Variants in PLCL2 observed in about 807,000 individuals in gnomAD.
PLCL2 encodes the protein phospholipase C like 2, also known as inactive phospholipase C-like protein 2.
A neutral mutation model predicts 79.6 loss-of-function variants in PLCL2; 4 were observed. The ratio of observed to expected loss-of-function variants is 0.05; its 90% CI spans 0.02 to 0.11. PLCL2 has a LOEUF of 0.11. Ranked by LOEUF, PLCL2 falls within the 10% of genes least tolerant of loss-of-function variation. The pLI, the probability that PLCL2 is intolerant of heterozygous loss-of-function variation, is 1.00. For synonymous variants in PLCL2, 484 were observed against 457.7 expected, an observed-to-expected ratio of 1.06 and a Z score of -0.73; for missense variants, 895 against 1,291.0, an observed-to-expected ratio of 0.69 and a Z score of 4.70.
At chr3:16,934,620 T>C (rs1697494549) in intron 1 of PLCL2, among the ~76,000 whole-genome samples, 1 of 152,062 alleles carries the variant, frequency 6.6e-6, no homozygotes, top group African/African-American at 2.4e-5. Context: ...TGATTTGTGT[T>C]TAAAAATCTC....
At position 16,885,072 on chromosome 3, in the gene PLCL2, C is replaced by G; in HGVS notation, c.33C>G (p.Gly11=). 7.8e-6 allele frequency: 3 copies of G among 386,078 alleles called. No individual in the cohort carries two copies. The highest frequency in any genetic ancestry group is 9.2e-6 in the Non-Finnish European group (2 of 218,434). 23.9% of individuals were successfully genotyped at this position (386,078 alleles called of 1,614,324 possible). A position where few individuals can be genotyped will look rare whatever the true frequency, so the allele number is the denominator to read the frequency against. MAECGRGGAA[G]GALPTSPGPA... is the part of the protein sequence containing the mutation. The stretch of plus-strand genomic sequence containing the variant: ...AGTGCGGCCGGGGGGGCGCCGCCGG[C>G]GGGGCCCTGCCCACCTCCCCGGGCC... The change falls in exon 1 of 6, where the codon GGC becomes GGG. Residue 11 remains glycine, a synonymous_variant. Transcript: ENST00000615277.
chr3:16,915,467 A>G (rs1282520733), intron 1 of PLCL2, among the ~76,000 whole-genome samples: 1 of 151,946 alleles, frequency 6.6e-6, no homozygotes, highest in African/African-American at 2.4e-5. Context: ...ATTTCCTGTT[A>G]TAGTTATTCA....
intron 3 of PLCL2, among the ~76,000 whole-genome samples, chr3:17,040,611 G>T (rs2064709524): frequency 6.6e-6 from 1 of 152,168 alleles, no homozygotes; most frequent in Admixed American, 6.6e-5. Context: ...CATTGTGCCA[G>T]TCGCTCCTCA....
chr3:16,888,480 A>T (rs1419334267), intron 1 of PLCL2, among the ~76,000 whole-genome samples: 3 of 152,234 alleles, frequency 2.0e-5, no homozygotes, highest in Non-Finnish European at 4.4e-5. Context: ...TCCTTAGCTT[A>T]TTGAAAATAA....
At chr3:16,992,865 A>G (rs1271959799) in intron 1 of PLCL2, among the ~76,000 whole-genome samples, 2 of 152,204 alleles carry the variant, frequency 1.3e-5, no homozygotes, top group African/African-American at 2.4e-5. Context: ...ACCATGCCCA[A>G]AGATACACAT....
intron 4 of PLCL2, chr3:17,044,049 C>G (rs958789496): frequency 6.6e-6 from 1 of 152,308 alleles, no homozygotes; most frequent in African/African-American, 2.4e-5. Context: ...ATATTGAATA[C>G]TTACCGTGTG....
intron 1 of PLCL2, among the ~76,000 whole-genome samples, chr3:16,978,387 G>A (rs920960178): frequency 1.2e-4 from 18 of 152,218 alleles, no homozygotes; most frequent in African/African-American, 4.3e-4. Context: ...CTTTGCTCTG[G>A]AGGCTGGTAA....
At chr3:17,021,373 G>A (rs945117925) in intron 3 of PLCL2, among the ~76,000 whole-genome samples, 8 of 152,174 alleles carry the variant, frequency 5.3e-5, no homozygotes, top group Non-Finnish European at 1.2e-4. Flanking sequence ...GAAAATAAAT[G>A]TTTAAACGAT....
intron 1 of PLCL2, among the ~76,000 whole-genome samples, chr3:16,959,660 A>G (rs930697965): frequency 6.6e-6 from 1 of 152,128 alleles, no homozygotes; most frequent in Non-Finnish European, 1.5e-5. Context: ...AGCAGCAGAT[A>G]TCACCTCTAT....
chr3:16,989,772 C>A (rs1207701829), intron 1 of PLCL2, among the ~76,000 whole-genome samples: 1 of 152,104 alleles, frequency 6.6e-6, no homozygotes, highest in Non-Finnish European at 1.5e-5. Context: ...TAACCACAAA[C>A]AATAGCAATA....
At chr3:17,006,676 C>T (rs1166179716) in intron 1 of PLCL2, among the ~76,000 whole-genome samples, 3 of 152,210 alleles carry the variant, frequency 2.0e-5, no homozygotes, top group Non-Finnish European at 2.9e-5. Flanking sequence ...GTCATTATAT[C>T]TGCCCGTGGT....
intron 1 of PLCL2, among the ~76,000 whole-genome samples, chr3:16,973,939 A>C (rs1346745600): frequency 1.3e-5 from 2 of 152,214 alleles, no homozygotes; most frequent in Non-Finnish European, 2.9e-5. Context: ...ATATAGTAGG[A>C]GAGTTAGACC....
intron 1 of PLCL2, among the ~76,000 whole-genome samples, chr3:17,007,553 G>A (rs984080373): frequency 2.6e-5 from 4 of 152,012 alleles, no homozygotes; most frequent in Non-Finnish European, 5.9e-5. Flanking sequence ...TTTATGTTTT[G>A]TCTTGGCACC....
intron 1 of PLCL2, among the ~76,000 whole-genome samples, chr3:16,918,457 C>T (rs777121699): frequency 7.2e-5 from 11 of 152,006 alleles, no homozygotes; most frequent in Non-Finnish European, 1.0e-4. Flanking sequence ...CAATTAATTT[C>T]AAAGAATAAT....
At chr3:17,060,558 C>CACCTCAAA (rs2064940572) in intron 4 of PLCL2, among the ~76,000 whole-genome samples, 1 of 152,150 alleles carries the variant, frequency 6.6e-6, no homozygotes, top group African/African-American at 2.4e-5. Flanking sequence ...AAACTTCAGA[C>CACCTCAAA]CTCCGGAGTT....
intron 1 of PLCL2, among the ~76,000 whole-genome samples, chr3:16,951,957 CTCA>C (rs2063657632): frequency 6.6e-6 from 1 of 151,994 alleles, no homozygotes; most frequent in African/African-American, 2.4e-5. Flanking sequence ...TTCAGATTTT[CTCA>C]TCATCTGATG....
chr3:16,944,419 C>G (rs1163917445), intron 1 of PLCL2, among the ~76,000 whole-genome samples: 1 of 152,164 alleles, frequency 6.6e-6, no homozygotes. Flanking sequence ...ACTGTGCCCC[C>G]TCAAAATTCA....
At chr3:16,888,596 A>G (rs191247462) in intron 1 of PLCL2, among the ~76,000 whole-genome samples, 59 of 152,252 alleles carry the variant, frequency 3.9e-4, no homozygotes, top group Non-Finnish European at 7.6e-4. Context: ...CATCACTTTC[A>G]TTTTCTCTTT....
chr3:17,014,867 A>G lies in PLCL2; in HGVS notation c.2974A>G (p.Ile992Val). 6.2e-7 allele frequency: 1 copy of G among 1,614,152 alleles called. No homozygotes were observed. The highest frequency in any genetic ancestry group is 2.2e-5 in the East Asian group (1 of 44,888). Residue 992 changes from isoleucine (I) to valine (V), a missense_variant, in exon 3 of 6, where the codon ATT (isoleucine) becomes GTT (valine). Transcript: ENST00000615277. Reference sequence around the variant, plus strand: ...GTACCCCACAATGGAGCTGCAGGGAATTGTGCCGGAGGTTCTGAAGAAGAT... The same window carrying G: ...GTACCCCACAATGGAGCTGCAGGGAGTTGTGCCGGAGGTTCTGAAGAAGAT... The part of the protein sequence containing the change: ...EQYPTMELQG[I>V]VPEVLKKIVT...
Sources: gnomAD v4.1 joint callset for allele counts (sites outside exome capture counted in the v4.1 genomes callset) on GRCh38, gnomAD v4.1.1 for gene constraint, MANE v1.5 for transcripts, NCBI Gene and HGNC (gene_info 2026-07-23, HGNC 2026-07-21) for gene names.